DTL: variants seen among roughly 807,000 people sequenced by gnomAD.
DTL encodes denticleless E3 ubiquitin protein ligase adapter, also known as denticleless protein homolog.
In DTL, 46 loss-of-function variants were observed where a neutral mutation model predicts 87.0. The observed-to-expected ratio is 0.53, with a 90% CI of 0.42 to 0.68. DTL has a LOEUF of 0.68. Ranked by LOEUF, DTL falls within the 30% of genes least tolerant of loss-of-function variation. The pLI, the probability that DTL is intolerant of heterozygous loss-of-function variation, is 0.00. For missense variants in DTL, 737 were observed against 869.4 expected (o/e 0.85, Z 1.91); for synonymous variants, 308 against 311.2 (o/e 0.99, Z 0.11).
chr1:212,076,690 G>A (rs1287553787), intron 11 of DTL, among the ~76,000 whole-genome samples: 1 of 152,168 alleles, frequency 6.6e-6, no homozygotes, highest in Non-Finnish European at 1.5e-5. Context: ...GACCTTGGGT[G>A]AAGAGAAACT....
At chr1:212,055,694 C>T (rs1668152400) in intron 5 of DTL, among the ~76,000 whole-genome samples, 1 of 152,194 alleles carries the variant, frequency 6.6e-6, no homozygotes, top group Non-Finnish European at 1.5e-5. Context: ...GTCAGTACTG[C>T]AGCATAGCTG....
At chr1:212,098,001 G>C (rs765931070) in intron 13 of DTL, among the ~76,000 whole-genome samples, 1 of 152,078 alleles carries the variant, frequency 6.6e-6, no homozygotes, top group Non-Finnish European at 1.5e-5. Context: ...CTTCTGGGTC[G>C]AGCCACCCAG....
intron 1 of DTL, 126 bp from the exon 2 acceptor site, chr1:212,042,867 T>C (rs1667697008): frequency 7.8e-6 from 7 of 893,708 alleles, no homozygotes; most frequent in Admixed American, 3.0e-5. Flanking sequence ...TCCATAGATA[T>C]TAATAGTAAG....
At chr1:212,099,943 A>G (rs1034050134) in intron 13 of DTL, among the ~76,000 whole-genome samples, 9 of 152,208 alleles carry the variant, frequency 5.9e-5, no homozygotes, top group African/African-American at 2.2e-4. Context: ...TATGTATCAC[A>G]TGCACAAATA....
intron 5 of DTL, among the ~76,000 whole-genome samples, chr1:212,059,128 A>G (rs960220392): frequency 1.3e-5 from 2 of 152,208 alleles, no homozygotes; most frequent in African/African-American, 2.4e-5. Context: ...TTCTCAAACT[A>G]TTCCAAAAAT....
chr1:212,092,472 G>A (rs1194189860), intron 13 of DTL, among the ~76,000 whole-genome samples: 1 of 151,984 alleles, frequency 6.6e-6, no homozygotes, highest in Non-Finnish European at 1.5e-5. Context: ...GGAGGTTGAG[G>A]TTGTAGCAAG....
chr1:212,068,436 C>T (rs1654575443), intron 9 of DTL, 109 bp downstream of exon 9: 1 of 869,906 alleles, frequency 1.1e-6, no homozygotes, highest in Non-Finnish European at 1.7e-6. Flanking sequence ...ATGTGAAGTT[C>T]AAAAGATAAA....
intron 13 of DTL, among the ~76,000 whole-genome samples, chr1:212,085,608 A>ATG (rs1435644986): frequency 6.6e-6 from 1 of 152,198 alleles, no homozygotes; most frequent in Non-Finnish European, 1.5e-5. Flanking sequence ...TACTTTCTTG[A>ATG]TGGTGTCTCT....
chr1:212,044,894 T>A lies in DTL; in HGVS notation c.277+136T>A, dbSNP rs1667765465. Reference sequence around the variant, plus strand: ...GGAATAACTGAGACTGGGTAGTTTATATAGAAAAAGTTTACTTGGTGTGTG... The same window carrying A: ...GGAATAACTGAGACTGGGTAGTTTAAATAGAAAAAGTTTACTTGGTGTGTG... On this transcript the variant is annotated intron_variant, in intron 3 of 14. Transcript: ENST00000366991. 7 of 597,536 alleles carry A rather than the reference T, an allele frequency of 1.2e-5. No homozygotes were observed. The East Asian group carries it at 2.0e-4, about 17-fold the overall frequency. The allele number at this position is 597,536 out of a possible 1,614,324, so 37.0% of individuals were successfully genotyped here. A position where few individuals can be genotyped will look rare whatever the true frequency, so the allele number is the denominator to read the frequency against.
chr1:212,079,295 T>C (rs1654925322), intron 12 of DTL, among the ~76,000 whole-genome samples: 1 of 152,188 alleles, frequency 6.6e-6, no homozygotes, highest in Non-Finnish European at 1.5e-5. Context: ...TTTTGAATTA[T>C]TCAGTTAATT....
At chr1:212,080,507 T>TAA in intron 12 of DTL, 108 bp from the exon 13 acceptor site, 1 of 993,692 alleles carries the variant, frequency 1.0e-6, no homozygotes, top group East Asian at 2.4e-5. Flanking sequence ...TCCTGTTTAT[T>TAA]AGACAAAATA....
chr1:212,054,792 CAAAAAAAAAAA>C (rs756328781), intron 5 of DTL, among the ~76,000 whole-genome samples: 1 of 68,532 alleles, frequency 1.5e-5, no homozygotes. Flanking sequence ...GACACCACCT[CAAAAAAAAAAA>C]AAAAAAAAAA....
intron 5 of DTL, among the ~76,000 whole-genome samples, chr1:212,048,934 GTTTT>G (rs869130776): frequency 7.7e-6 from 1 of 130,124 alleles, no homozygotes; most frequent in African/African-American, 2.8e-5. Flanking sequence ...TTGTTTGTTT[GTTTT>G]TTGAGACAAA....
intron 12 of DTL, among the ~76,000 whole-genome samples, 184 bp downstream of exon 12, chr1:212,078,446 T>C (rs1425034301): frequency 6.6e-6 from 1 of 152,178 alleles, no homozygotes; most frequent in Non-Finnish European, 1.5e-5. Context: ...ACCCATACCA[T>C]AATGGTATTA....
chr1:212,052,578 A>G (rs947703638), intron 5 of DTL, among the ~76,000 whole-genome samples: 2 of 148,900 alleles, frequency 1.3e-5, no homozygotes, highest in Non-Finnish European at 3.0e-5. Context: ...CGGAGGTTGC[A>G]GTTAGCTGAG....
intron 1 of DTL, among the ~76,000 whole-genome samples, chr1:212,040,751 T>A (rs1667615095): frequency 6.6e-6 from 1 of 152,138 alleles, no homozygotes; most frequent in African/African-American, 2.4e-5. Flanking sequence ...GCTAAGTGAC[T>A]AAAGAGCAGG....
chr1:212,104,639 A>G lies in DTL; in HGVS notation c.*1699A>G, dbSNP rs893970333. 2.6e-5 allele frequency: 4 copies of G among 152,142 alleles called. No homozygotes were observed. Among genetic ancestry groups the G allele is most frequent in the African/African-American group, 4.8e-5 (2 of 41,426 alleles). The allele number at this position is 152,142 out of a possible 1,614,324, so 9.4% of individuals were successfully genotyped here. ...AGTAGATGATTTTGTTTGTATCCCT[A>G]CCCATCTCCTGGCAGCCCTACTGAG... On this transcript the variant is annotated 3_prime_UTR_variant, in exon 15 of 15. Transcript: ENST00000366991.
rs768458839 is a variant in DTL at position 212,100,823 on chromosome 1, T to C, written c.1833T>C (p.Ile611=). Residue 611 remains isoleucine, a synonymous_variant, in exon 14 of 15, where the codon ATT becomes ATC. Transcript: ENST00000366991. ...TAGGTCCTACCAAATCAAGCAAAAT[T>C]GAAGGAGCTGGTACCAGTATCTCAG... ...DSLGPTKSSK[I]EGAGTSISEP... 3 of 1,614,142 alleles carry C rather than the reference T, an allele frequency of 1.9e-6. No homozygotes were observed. The highest frequency in any genetic ancestry group is 2.2e-5 in the South Asian group (2 of 91,074).
At chr1:212,102,721 G>GAA (rs1655659935) in intron 14 of DTL, 121 bp from the exon 15 acceptor site, 1 of 642,374 alleles carries the variant, frequency 1.6e-6, no homozygotes, top group Non-Finnish European at 2.7e-6. Flanking sequence ...AAAGTATTTG[G>GAA]AGCTGAAAGC....
Sources: gnomAD v4.1 joint callset for allele counts (sites outside exome capture counted in the v4.1 genomes callset) on GRCh38, gnomAD v4.1.1 for gene constraint, MANE v1.5 for transcripts, NCBI Gene and HGNC (gene_info 2026-07-23, HGNC 2026-07-21) for gene names.